CHAT: variants seen among roughly 807,000 people sequenced by gnomAD.
CHAT encodes choline O-acetyltransferase.
A neutral mutation model predicts 76.9 loss-of-function variants in CHAT; 61 were observed. The ratio of observed to expected loss-of-function variants is 0.79; its 90% CI spans 0.65 to 0.98. The LOEUF (loss-of-function observed/expected upper bound fraction) is 0.98. Among genes scored for constraint, CHAT ranks in the 50% least tolerant of loss-of-function variants. The pLI, the probability that CHAT is intolerant of heterozygous loss-of-function variation, is 0.00. For synonymous variants in CHAT, 407 were observed against 397.4 expected (o/e 1.02, Z -0.29); for missense variants, 946 against 986.9 (o/e 0.96, Z 0.56).
intron 13 of CHAT, among the ~76,000 whole-genome samples, chr10:49,659,974 T>A (rs1840142773): frequency 1.3e-5 from 2 of 152,194 alleles, no homozygotes; most frequent in Non-Finnish European, 2.9e-5. Flanking sequence ...AGAAAGGAAA[T>A]CTAATCATAG....
intron 7 of CHAT, among the ~76,000 whole-genome samples, chr10:49,631,597 AG>A (rs1433194766): frequency 6.6e-6 from 1 of 152,188 alleles, no homozygotes; most frequent in East Asian, 1.9e-4. Context: ...AGCAGGGCCG[AG>A]GGGTTTGGCC....
Position 49,648,490 on chromosome 10 carries a change from CCT to C in CHAT, c.1282-14_1282-13del, listed in dbSNP as rs1255701423. ...CTGACTCTCCCATGATCGCCCACTC[CCT>C]CTTTCCTGTTGCAGTTTGTGGTGGG... On this transcript the variant is annotated splice_polypyrimidine_tract_variant and intron_variant, in intron 8 of 14. Transcript: ENST00000337653. The C allele has an allele frequency of 1.9e-6, 3 of 1,608,570 alleles. No homozygotes were observed. The highest frequency in any genetic ancestry group is 2.2e-5 in the South Asian group (2 of 90,796).
At chr10:49,655,798 G>T (rs901430614) in intron 13 of CHAT, among the ~76,000 whole-genome samples, 1 of 152,166 alleles carries the variant, frequency 6.6e-6, no homozygotes. Flanking sequence ...AGCGATGGGG[G>T]TCACACACCT....
intron 11 of CHAT, 27 bp downstream of exon 11, chr10:49,652,033 C>A (rs1459621378): frequency 6.2e-7 from 1 of 1,614,010 alleles, no homozygotes; most frequent in Non-Finnish European, 8.5e-7. Flanking sequence ...TGAGTCTGTA[C>A]CCTGGAGGGC....
upstream of CHAT, chr10:49,612,497 G>A (rs183393091): frequency 9.6e-4 from 673 of 700,998 alleles, 4 homozygotes; most frequent in African/African-American, 0.011. Flanking sequence ...CCTGTGACCC[G>A]TTCCATATCC....
At chr10:49,641,217 A>G (rs753265596) in intron 7 of CHAT, among the ~76,000 whole-genome samples, 5 of 152,184 alleles carry the variant, frequency 3.3e-5, no homozygotes, top group Non-Finnish European at 7.3e-5. Context: ...CTCCCTCCAA[A>G]TAGAGTCACA....
chr10:49,616,620 C>T lies in CHAT; in HGVS notation c.387+18C>T, dbSNP rs758829418. On this transcript the variant is annotated intron_variant, in intron 2 of 14. Transcript: ENST00000337653. ...AGGAGTCTGTGAGTGACTTTTGGAG[C>T]CCTCTCTCAACCCTGCTTTCCCCAC... The T allele has an allele frequency of 6.5e-7, 1 of 1,541,886 alleles. No homozygotes were observed. The highest frequency in any genetic ancestry group is 1.4e-5 in the African/African-American group (1 of 73,468).
chr10:49,631,145 G>A (rs1173697759), intron 7 of CHAT, among the ~76,000 whole-genome samples: 1 of 152,202 alleles, frequency 6.6e-6, no homozygotes, highest in African/African-American at 2.4e-5. Flanking sequence ...CGGTCATGCT[G>A]GAATCTGAGC....
chr10:49,613,406 C>T (rs1838354600), upstream of CHAT, among the ~76,000 whole-genome samples: 1 of 152,112 alleles, frequency 6.6e-6, no homozygotes, highest in African/African-American at 2.4e-5. Flanking sequence ...GGAAAGTTTC[C>T]CATCCTTAGT....
In CHAT at chr10:49,648,534, G is replaced by A. The variant is rs562560467; in HGVS notation, c.1309G>A (p.Gly437Ser). ...TGTGGTGGGCCGAGACGGCACCTGC[G>A]GTGTGGTGTGCGAACACTCCCCATT... ...QFVVGRDGTC[G>S]VVCEHSPFDG... The change falls in exon 9 of 15, where the codon GGT becomes AGT. Residue 437 changes from glycine (G) to serine (S), a missense_variant. Around this residue, in one of 3 missense-constraint regions of CHAT, gnomAD observed 49 missense variants for 76.7 expected, o/e 0.64. Coordinates refer to ENST00000337653, the MANE Select transcript of CHAT (RefSeq NM_020549.5). 1.9e-6 allele frequency: 3 copies of A among 1,613,946 alleles called. No homozygotes were observed. Among genetic ancestry groups the A allele is most frequent in the African/African-American group, 1.3e-5 (1 of 75,022 alleles).
At chr10:49,610,595 C>A, upstream of CHAT, 1 of 716,520 alleles carries the variant, frequency 1.4e-6, no homozygotes, top group Non-Finnish European at 2.1e-6. Flanking sequence ...GACGCTGGGC[C>A]ATGAGCTCCG....
In CHAT at chr10:49,667,198, C is replaced by A. The variant is rs1840357875; in HGVS notation, c.*2152C>A. ...AGCTAATGTCTAAAAGACACAGGGGCCAGGAGAGAAAAGGGAGGAAAGAAC... is the reference window on the plus strand; with the variant it reads ...AGCTAATGTCTAAAAGACACAGGGGACAGGAGAGAAAAGGGAGGAAAGAAC... On this transcript the variant is annotated 3_prime_UTR_variant, in exon 15 of 15. Transcript: ENST00000337653. Among the ~76,000 whole-genome samples the A allele has an allele frequency of 6.6e-6, 1 of 152,070 alleles. No homozygotes were observed. Among genetic ancestry groups the A allele is most frequent in the Non-Finnish European group, 1.5e-5 (1 of 68,032 alleles).
At chr10:49,621,945 G>T in intron 4 of CHAT, 152 bp from the exon 5 acceptor site, 1 of 3,366 alleles carries the variant, frequency 3.0e-4, no homozygotes, top group Non-Finnish European at 6.3e-4. Context: ...GAGTTTGGCA[G>T]TGGGGATGAG....
chr10:49,644,519 G>A (rs138005768), intron 7 of CHAT, among the ~76,000 whole-genome samples: 2 of 152,282 alleles, frequency 1.3e-5, no homozygotes, highest in African/African-American at 4.8e-5. Flanking sequence ...ACTGAGGCAG[G>A]GAAGCCCAAG....
intron 8 of CHAT, 24 bp from the exon 9 acceptor site, chr10:49,648,483 C>T (rs1290636583): frequency 6.3e-6 from 10 of 1,598,416 alleles, no homozygotes; most frequent in Middle Eastern, 1.7e-4. Flanking sequence ...CCCATGATCG[C>T]CCACTCCCTC....
At chr10:49,648,071 A>C in intron 8 of CHAT, 1 of 232,270 alleles carries the variant, frequency 4.3e-6, no homozygotes, top group Non-Finnish European at 8.5e-6. Flanking sequence ...CTCTGTGGGA[A>C]GTGAGTTTCT....
At chr10:49,615,992 C>G in intron 1 of CHAT, 1 of 1,585,096 alleles carries the variant, frequency 6.3e-7, no homozygotes, top group Non-Finnish European at 8.7e-7. Flanking sequence ...CATTCACCCA[C>G]GCATGCATTC....
intron 9 of CHAT, among the ~76,000 whole-genome samples, chr10:49,649,120 C>A (rs546049081): frequency 1.1e-4 from 17 of 152,316 alleles, no homozygotes; most frequent in Admixed American, 7.8e-4. Context: ...TCTTCAATTT[C>A]TTCCATGAAA....
chr10:49,651,214 A>T (rs1205617119), intron 10 of CHAT, among the ~76,000 whole-genome samples: 1 of 151,842 alleles, frequency 6.6e-6, no homozygotes, highest in Non-Finnish European at 1.5e-5. Flanking sequence ...GCGAGTACTC[A>T]TGGGAACTGG....
Sources: gnomAD v4.1 joint callset for allele counts (sites outside exome capture counted in the v4.1 genomes callset) on GRCh38, gnomAD v4.1.1 for gene constraint, gnomAD v4.1.1 regional missense constraint, MANE v1.5 for transcripts, NCBI Gene and HGNC (gene_info 2026-07-23, HGNC 2026-07-21) for gene names.